Variants in SLC17A8 observed in about 807,000 individuals in gnomAD.
SLC17A8 encodes the protein vesicular glutamate transporter 3.
A neutral mutation model predicts 58.0 loss-of-function variants in SLC17A8; 31 were observed. The observed-to-expected ratio is 0.53, with a 90% CI of 0.40 to 0.72. The LOEUF (loss-of-function observed/expected upper bound fraction) is 0.72, where lower values mean the gene tolerates loss of function less well. Among genes scored for constraint, SLC17A8 ranks in the 30% least tolerant of loss-of-function variants. SLC17A8 has a pLI of 0.00. For missense variants in SLC17A8, 655 were observed against 727.8 expected, an observed-to-expected ratio of 0.90 and a Z score of 1.15; for synonymous variants, 228 against 249.0, an observed-to-expected ratio of 0.92 and a Z score of 0.79.
intron 10 of SLC17A8, 126 bp downstream of exon 10, chr12:100,413,006 G>A (rs547146464): frequency 3.7e-5 from 29 of 791,014 alleles, no homozygotes; most frequent in Admixed American, 9.5e-5. Flanking sequence ...CAGGACCACC[G>A]TCCAGAGAAT....
At chr12:100,408,164 C>T (rs1952840162) in intron 9 of SLC17A8, among the ~76,000 whole-genome samples, 1 of 152,138 alleles carries the variant, frequency 6.6e-6, no homozygotes, top group East Asian at 1.9e-4. Context: ...CATTTCTCAT[C>T]TGAGAAGGAT....
intron 1 of SLC17A8, among the ~76,000 whole-genome samples, chr12:100,367,367 C>T (rs577509717): frequency 2.6e-5 from 4 of 152,122 alleles, no homozygotes; most frequent in South Asian, 2.1e-4. Context: ...AGTAATTCAT[C>T]GCTATGACTG....
chr12:100,413,161 A>C (rs1366177903), intron 10 of SLC17A8, among the ~76,000 whole-genome samples: 2 of 152,166 alleles, frequency 1.3e-5, no homozygotes, highest in Non-Finnish European at 2.9e-5. Flanking sequence ...AGGCCCAAGC[A>C]TATGTCCTGG....
At chr12:100,399,334 A>G (rs1952774533) in intron 5 of SLC17A8, among the ~76,000 whole-genome samples, 1 of 152,114 alleles carries the variant, frequency 6.6e-6, no homozygotes, top group Admixed American at 6.5e-5. Flanking sequence ...GGCTGTGTCT[A>G]ATAGGAACTG....
intron 10 of SLC17A8, among the ~76,000 whole-genome samples, chr12:100,417,312 G>C (rs1220256668): frequency 6.6e-6 from 1 of 152,210 alleles, no homozygotes; most frequent in African/African-American, 2.4e-5. Context: ...TTTGATATTT[G>C]CCAAGGGCTT....
chr12:100,419,935 T>A lies in SLC17A8; in HGVS notation c.1546T>A (p.Ser516Thr). Reference sequence around the variant, plus strand: ...GGAGTGGGCTGACCCAGAGAATCTCTCTGAGGAGAAATGTGGAATCATTGA... The same window carrying A: ...GGAGTGGGCTGACCCAGAGAATCTCACTGAGGAGAAATGTGGAATCATTGA... ...KQEWADPENL[S>T]EEKCGIIDQD... Residue 516 changes from serine (S) to threonine (T), a missense_variant, in exon 12 of 12, where the codon TCT (serine) becomes ACT (threonine). Ser to Thr is a moderately conservative substitution (Grantham distance 58). Transcript: ENST00000323346. 1.9e-6 allele frequency: 3 copies of A among 1,614,102 alleles called. No individual in the cohort carries two copies. The highest frequency in any genetic ancestry group is 2.5e-6 in the Non-Finnish European group (3 of 1,180,030).
chr12:100,393,553 C>A, intron 4 of SLC17A8, 70 bp downstream of exon 4: 1 of 1,166,742 alleles, frequency 8.6e-7, no homozygotes, highest in Non-Finnish European at 1.3e-6. Flanking sequence ...AATTCACCTT[C>A]TGAAGAAAAT....
At chr12:100,410,494 CAAA>C (rs35135035) in intron 9 of SLC17A8, 56 of 125,090 alleles carry the variant, frequency 4.5e-4, no homozygotes, top group Non-Finnish European at 4.3e-4. Context: ...GACTCCATCT[CAAA>C]AAAAAAAAAA....
chr12:100,419,191 C>A (rs1952929222), intron 11 of SLC17A8, among the ~76,000 whole-genome samples: 1 of 152,124 alleles, frequency 6.6e-6, no homozygotes. Flanking sequence ...TGAAGGGAAA[C>A]CCCATTTGAG....
chr12:100,386,107 A>G (rs1309568033), intron 2 of SLC17A8, among the ~76,000 whole-genome samples: 1 of 152,084 alleles, frequency 6.6e-6, no homozygotes, highest in Non-Finnish European at 1.5e-5. Flanking sequence ...TCATTTTAAG[A>G]TTCTTGACAT....
intron 1 of SLC17A8, among the ~76,000 whole-genome samples, chr12:100,375,555 C>A (rs866231687): frequency 1.3e-5 from 2 of 152,154 alleles, no homozygotes; most frequent in African/African-American, 2.4e-5. Context: ...GAGAAAGAGG[C>A]GCTGTCCCCA....
intron 1 of SLC17A8, 99 bp from the exon 2 acceptor site, chr12:100,380,602 G>T (rs1566391334): frequency 9.4e-6 from 13 of 1,378,156 alleles, no homozygotes; most frequent in Admixed American, 3.9e-5. Flanking sequence ...CTTCCTTTTT[G>T]TTTTTCATCT....
At chr12:100,385,118 G>C (rs560655214) in intron 2 of SLC17A8, among the ~76,000 whole-genome samples, 1,753 of 150,390 alleles carry the variant, frequency 0.012, 33 homozygotes, top group African/African-American at 0.038. Flanking sequence ...CTCTCTCTCT[G>C]TGTGTGTGTG....
Position 100,412,769 on chromosome 12 carries a change from G to A in SLC17A8, c.1187-1G>A, listed in dbSNP as rs2136014736. On this transcript the variant is annotated splice_acceptor_variant, in intron 9 of 11. Coordinates refer to ENST00000323346, the MANE Select transcript of SLC17A8 (RefSeq NM_139319.3). LOFTEE classifies it high-confidence loss of function. ...TTTTCCCTTGCTGTTTCCATTTGCA[G>A]GTTTTGGCATGGAGGCAACCTTACT... 1.2e-6 allele frequency: 2 copies of A among 1,611,360 alleles called. No individual in the cohort carries two copies. Among genetic ancestry groups the A allele is most frequent in the Non-Finnish European group, 1.7e-6 (2 of 1,177,510 alleles).
chr12:100,404,286 T>A, intron 9 of SLC17A8, 116 bp downstream of exon 9: 1 of 1,350,210 alleles, frequency 7.4e-7, no homozygotes, highest in Non-Finnish European at 1.0e-6. Flanking sequence ...TAAAGACCTC[T>A]AAGTCTGTCC....
At chr12:100,416,484 A>G (rs1264101426) in intron 10 of SLC17A8, among the ~76,000 whole-genome samples, 2 of 152,238 alleles carry the variant, frequency 1.3e-5, no homozygotes, top group East Asian at 1.9e-4. Flanking sequence ...TAGGAAAGAC[A>G]ACCAACCAGT....
intron 1 of SLC17A8, among the ~76,000 whole-genome samples, chr12:100,372,498 T>C (rs1036865646): frequency 6.6e-6 from 1 of 151,974 alleles, no homozygotes; most frequent in Non-Finnish European, 1.5e-5. Flanking sequence ...CAGGCATCCA[T>C]GCCACCACAC....
At chr12:100,374,399 G>A (rs1952579787) in intron 1 of SLC17A8, among the ~76,000 whole-genome samples, 1 of 152,126 alleles carries the variant, frequency 6.6e-6, no homozygotes, top group African/African-American at 2.4e-5. Flanking sequence ...ATTGCTTGAG[G>A]CCAGAAGTTC....
In SLC17A8 at chr12:100,364,818, T is replaced by C. The variant is rs574077595; in HGVS notation, c.101+7326T>C. On this transcript the variant is annotated intron_variant, in intron 1 of 11. Coordinates refer to ENST00000323346, the MANE Select transcript of SLC17A8 (RefSeq NM_139319.3). ...AATGTTTCTCTTTTCATACAAAATG[T>C]GTGGCCAGGAGACTGCTCAAAACTC... Among the ~76,000 whole-genome samples the C allele has an allele frequency of 2.6e-5, 4 of 152,362 alleles. No individual in the cohort carries two copies. The East Asian group carries it at 7.7e-4, about 29-fold the overall frequency.
Sources: allele counts gnomAD v4.1 joint callset (sites outside exome capture counted in the v4.1 genomes callset), GRCh38; gene constraint gnomAD v4.1.1; transcripts MANE v1.5; gene names NCBI Gene and HGNC (gene_info 2026-07-23, HGNC 2026-07-21).